Variants in KIAA1217 observed in about 807,000 individuals in gnomAD.
The protein encoded by KIAA1217 is sickle tail protein homolog.
In KIAA1217, 88 loss-of-function variants were observed where a neutral mutation model predicts 163.9. That is an observed-to-expected ratio of 0.54 (90% CI 0.45 to 0.64). The LOEUF is 0.64. KIAA1217 is among the 30% of genes least tolerant of loss of function. The pLI is 0.00. For synonymous variants in KIAA1217, 903 were observed against 923.1 expected (o/e 0.98, Z 0.39); for missense variants, 2,372 against 2,475.0 (o/e 0.96, Z 0.88).
chr10:24,275,863 T>C (rs762755428), intron 2 of KIAA1217: 44 of 445,718 alleles, frequency 9.9e-5, no homozygotes, highest in Non-Finnish European at 1.9e-4. Flanking sequence ...AGGAGCAAAC[T>C]ATAGCAAGGG....
At chr10:24,206,534 G>A (rs1164142298), upstream of KIAA1217, among the ~76,000 whole-genome samples, 1 of 152,210 alleles carries the variant, frequency 6.6e-6, no homozygotes, top group Non-Finnish European at 1.5e-5. Flanking sequence ...ATATGGAATA[G>A]TCGGTGCAAG....
At chr10:24,154,435 T>A (rs2131867473) in intron 2 of KIAA1217, among the ~76,000 whole-genome samples, 1 of 150,774 alleles carries the variant, frequency 6.6e-6, no homozygotes, top group African/African-American at 2.4e-5. Context: ...TACAAGAAAA[T>A]AAAAATAAAA....
At chr10:24,211,032 T>G (rs2068011450) in intron 1 of KIAA1217, among the ~76,000 whole-genome samples, 1 of 152,126 alleles carries the variant, frequency 6.6e-6, no homozygotes, top group African/African-American at 2.4e-5. Context: ...AAAGTGCACA[T>G]TTAACTGAGC....
intron 2 of KIAA1217, among the ~76,000 whole-genome samples, chr10:24,248,670 CAAAAAAA>C (rs929995548): frequency 8.8e-4 from 32 of 36,458 alleles, no homozygotes; most frequent in African/African-American, 3.6e-3. Flanking sequence ...GACTCCATCT[CAAAAAAA>C]AAAAAAAAAA....
intron 5 of KIAA1217, among the ~76,000 whole-genome samples, chr10:24,441,655 G>T (rs1325702225): frequency 6.6e-6 from 1 of 152,030 alleles, no homozygotes; most frequent in Non-Finnish European, 1.5e-5. Flanking sequence ...AGCATACCTG[G>T]CTCCTGTTTC....
intron 2 of KIAA1217, among the ~76,000 whole-genome samples, chr10:24,038,593 TC>T (rs1848492660): frequency 6.6e-6 from 1 of 151,888 alleles, no homozygotes; most frequent in Non-Finnish European, 1.5e-5. Context: ...AAGTGACCTA[TC>T]CCCCTAAGGT....
At chr10:24,337,310 A>C (rs184581987) in intron 2 of KIAA1217, among the ~76,000 whole-genome samples, 1 of 152,230 alleles carries the variant, frequency 6.6e-6, no homozygotes, top group Non-Finnish European at 1.5e-5. Context: ...ACATGAAAAG[A>C]TGGTTAATAT....
At chr10:23,857,410 G>A (rs1564482207) in intron 1 of KIAA1217, among the ~76,000 whole-genome samples, 2 of 152,094 alleles carry the variant, frequency 1.3e-5, no homozygotes, top group Admixed American at 1.3e-4. Flanking sequence ...AGAATAAAAT[G>A]GTCAATTAAG....
intron 2 of KIAA1217, among the ~76,000 whole-genome samples, chr10:24,142,989 T>TA (rs1564749855): frequency 6.6e-6 from 1 of 152,202 alleles, no homozygotes; most frequent in African/African-American, 2.4e-5. Flanking sequence ...CGTATACCCT[T>TA]AAAAAGCAGA....
chr10:24,373,168 C>G lies in KIAA1217; in HGVS notation c.355-7701C>G, dbSNP rs76882762. ...TGCCAAGTATCCTAAGTGTGAGCAC[C>G]TGGTTCCACCCACTCTAAGCATGTC... On this transcript the variant is annotated intron_variant, in intron 2 of 20. Coordinates refer to ENST00000376454, the MANE Select transcript of KIAA1217 (RefSeq NM_019590.5). Among the ~76,000 whole-genome samples, 1,565 of 152,272 alleles carry G rather than the reference C, an allele frequency of 0.01. 91 individuals carry two copies. The East Asian group carries it at 0.17, about 16-fold the overall frequency.
chr10:24,227,142 G>A (rs1303712652), intron 2 of KIAA1217, among the ~76,000 whole-genome samples: 1 of 55,860 alleles, frequency 1.8e-5, no homozygotes, highest in African/African-American at 6.2e-5. Context: ...AGATATAAAG[G>A]GATTATTATT....
intron 2 of KIAA1217, among the ~76,000 whole-genome samples, chr10:24,164,691 G>A (rs537611856): frequency 2.0e-5 from 3 of 152,316 alleles, no homozygotes; most frequent in African/African-American, 4.8e-5. Flanking sequence ...GCAAGTAGGG[G>A]TGAAATCTGA....
chr10:23,992,655 C>T (rs1026330782), intron 1 of KIAA1217, among the ~76,000 whole-genome samples: 15 of 139,084 alleles, frequency 1.1e-4, no homozygotes, highest in Admixed American at 1.0e-3. Flanking sequence ...TAAGAAGGAA[C>T]GCATCCCAGC....
chr10:23,991,709 A>G (rs1166527504), intron 1 of KIAA1217, among the ~76,000 whole-genome samples: 1 of 152,170 alleles, frequency 6.6e-6, no homozygotes, highest in Non-Finnish European at 1.5e-5. Flanking sequence ...CACAACCATG[A>G]CGTACGATAT....
chr10:24,126,696 A>G (rs1414383451), intron 2 of KIAA1217, among the ~76,000 whole-genome samples: 1 of 152,034 alleles, frequency 6.6e-6, no homozygotes, highest in Non-Finnish European at 1.5e-5. Context: ...TTATTCCTGA[A>G]CCACCCACAT....
chr10:24,250,094 G>A lies in KIAA1217; in HGVS notation c.354+30185G>A, dbSNP rs541820153. On this transcript the variant is annotated intron_variant, in intron 2 of 20. Transcript: ENST00000376454. ...GCTTGTTGGCAATACTCTCAAAAAG[G>A]CGTGGGGAGGGAGAGGTGTAACTCA... Among the ~76,000 whole-genome samples, 58 of 152,268 alleles carry A rather than the reference G, an allele frequency of 3.8e-4. 2 individuals are homozygous for A. In the South Asian group the frequency reaches 0.012, roughly 31 times the overall value.
rs142389155 is a variant in KIAA1217 at position 24,403,684 on chromosome 10, G to A, written c.553+22617G>A. On this transcript the variant is annotated intron_variant, in intron 3 of 20. Transcript: ENST00000376454. ...AAATCAAGCAATCCAATTAGAAATT[G>A]GATGAACTACAGAAAGAGACATTTC... is the stretch of plus-strand genomic sequence containing the variant. Among the ~76,000 whole-genome samples the A allele has an allele frequency of 6.4e-4, 97 of 152,264 alleles. No individual in the cohort carries two copies. In the East Asian group the frequency reaches 0.013, roughly 21 times the overall value.
At chr10:24,419,308 T>C (rs944633448) in intron 3 of KIAA1217, among the ~76,000 whole-genome samples, 2 of 152,052 alleles carry the variant, frequency 1.3e-5, no homozygotes, top group East Asian at 3.8e-4. Context: ...GAGTGCTCTG[T>C]GGGAGGGGAA....
At chr10:24,326,526 T>A (rs962526312) in intron 2 of KIAA1217, among the ~76,000 whole-genome samples, 5 of 152,230 alleles carry the variant, frequency 3.3e-5, no homozygotes, top group Non-Finnish European at 5.9e-5. Flanking sequence ...TTTTCCAGTA[T>A]GCTTTAACAT....
Sources: allele counts gnomAD v4.1 joint callset (sites outside exome capture counted in the v4.1 genomes callset), GRCh38; gene constraint gnomAD v4.1.1; transcripts MANE v1.5; gene names NCBI Gene and HGNC (gene_info 2026-07-23, HGNC 2026-07-21).